The following SPATA16 variants were observed in gnomAD, a reference collection of about 807,000 sequenced individuals.
SPATA16 encodes the protein spermatogenesis associated 16.
In SPATA16, 36 loss-of-function variants were observed where a neutral mutation model predicts 63.3. The observed-to-expected ratio is 0.57, with a 90% CI of 0.44 to 0.75. The LOEUF is 0.75. Among genes scored for constraint, SPATA16 ranks in the 30% least tolerant of loss-of-function variants. The pLI is 0.00. For synonymous variants in SPATA16, 203 were observed against 216.7 expected (o/e 0.94, Z 0.56); for missense variants, 646 against 679.3 (o/e 0.95, Z 0.54).
chr3:172,976,850 CT>C lies in SPATA16; in HGVS notation c.933+117del, dbSNP rs1038103679. 1.2e-4 allele frequency: 99 copies of C among 801,984 alleles called. 1 individual carries two copies. Among genetic ancestry groups the C allele is most frequent in the Non-Finnish European group, 1.0e-4 (48 of 467,960 alleles). 49.7% of individuals were successfully genotyped at this position (801,984 alleles called of 1,614,324 possible). A position where few individuals can be genotyped will look rare whatever the true frequency, so the allele number is the denominator to read the frequency against. ...TGAATACATTATTATTCAGTACCTT[CT>C]TTCTGATTGATATGCCCAGAGCTAC... is the stretch of plus-strand genomic sequence containing the variant. On this transcript the variant is annotated intron_variant, in intron 5 of 10. Coordinates refer to ENST00000351008, the MANE Select transcript of SPATA16 (RefSeq NM_031955.6).
chr3:173,124,655 G>A (rs1358422672), intron 1 of SPATA16, among the ~76,000 whole-genome samples: 5 of 152,114 alleles, frequency 3.3e-5, no homozygotes, highest in African/African-American at 7.2e-5. Context: ...TGCCAAATTC[G>A]GTGGTCACCC....
chr3:172,908,020 T>A (rs1022718331), intron 10 of SPATA16, among the ~76,000 whole-genome samples: 1 of 152,214 alleles, frequency 6.6e-6, no homozygotes, highest in Non-Finnish European at 1.5e-5. Flanking sequence ...TTATAACATA[T>A]CCTGTATTTC....
chr3:172,980,969 C>T (rs1734294991), intron 4 of SPATA16, among the ~76,000 whole-genome samples: 1 of 152,204 alleles, frequency 6.6e-6, no homozygotes, highest in Admixed American at 6.5e-5. Flanking sequence ...ATTCCCACCA[C>T]GTCACTGAAA....
At chr3:173,028,440 CT>C (rs1735519940) in intron 3 of SPATA16, among the ~76,000 whole-genome samples, 1 of 151,686 alleles carries the variant, frequency 6.6e-6, no homozygotes, top group South Asian at 2.1e-4. Context: ...GTCTTTAGCC[CT>C]TTTTGTGGAC....
intron 2 of SPATA16, among the ~76,000 whole-genome samples, chr3:173,056,190 T>C (rs1017091309): frequency 6.6e-6 from 1 of 152,196 alleles, no homozygotes; most frequent in Non-Finnish European, 1.5e-5. Context: ...ATGTCTGTTG[T>C]TTTAGGATGT....
At chr3:173,015,937 A>C (rs1219566435) in intron 4 of SPATA16, among the ~76,000 whole-genome samples, 1 of 152,012 alleles carries the variant, frequency 6.6e-6, no homozygotes, top group African/African-American at 2.4e-5. Context: ...GAGTGATGAC[A>C]TTCATTCTAT....
intron 9 of SPATA16, 126 bp downstream of exon 9, chr3:172,916,191 G>A (rs577185273): frequency 1.2e-5 from 14 of 1,162,026 alleles, no homozygotes; most frequent in Middle Eastern, 4.6e-4. Context: ...CTTCAAGAAG[G>A]TTTGGGAGTT....
At chr3:172,977,568 G>A (rs1158143053) in intron 4 of SPATA16, among the ~76,000 whole-genome samples, 1 of 152,104 alleles carries the variant, frequency 6.6e-6, no homozygotes, top group Non-Finnish European at 1.5e-5. Context: ...TCTCCCCACA[G>A]ATTTTTGTGT....
chr3:173,086,034 G>T (rs1329030688), intron 2 of SPATA16, among the ~76,000 whole-genome samples: 1 of 151,628 alleles, frequency 6.6e-6, no homozygotes, highest in Non-Finnish European at 1.5e-5. Flanking sequence ...TGGTATCAGG[G>T]TGATGCTGGC....
intron 5 of SPATA16, among the ~76,000 whole-genome samples, chr3:172,958,773 TTGTG>T (rs1350679390): frequency 3.3e-5 from 5 of 152,192 alleles, no homozygotes; most frequent in Admixed American, 1.3e-4. Context: ...TCATTCCTCT[TTGTG>T]TGTGTGCACG....
rs374055921 is a variant in SPATA16 at position 173,030,652 on chromosome 3, A to G, written c.759-11077T>C. 6.6e-5 allele frequency among the ~76,000 whole-genome samples: 10 copies of G among 152,206 alleles called. No individual in the cohort carries two copies. The East Asian group carries it at 1.9e-3, about 29-fold the overall frequency. On this transcript the variant is annotated intron_variant, in intron 3 of 10. Coordinates refer to ENST00000351008, the MANE Select transcript of SPATA16 (RefSeq NM_031955.6). ...GGGATTGTAAAATGATGCACCCACT[A>G]TAGAACAAAGTATGGAAGTTCCTCA...
At chr3:173,028,013 C>CCCTTCTTTCCTTCCTT (rs1735498783) in intron 3 of SPATA16, among the ~76,000 whole-genome samples, 3 of 35,070 alleles carry the variant, frequency 8.6e-5, no homozygotes, top group South Asian at 2.7e-3. Flanking sequence ...CTCCCTCCCT[C>CCCTTCTTTCCTTCCTT]CCTTCCTTCT....
chr3:172,946,292 C>T (rs146625843), intron 6 of SPATA16, among the ~76,000 whole-genome samples: 39 of 152,302 alleles, frequency 2.6e-4, no homozygotes, highest in African/African-American at 8.9e-4. Flanking sequence ...CTGTGGTAGC[C>T]ATGGGAAGAG....
intron 5 of SPATA16, among the ~76,000 whole-genome samples, chr3:172,972,708 G>C (rs1436871136): frequency 6.6e-6 from 1 of 152,086 alleles, no homozygotes; most frequent in Non-Finnish European, 1.5e-5. Flanking sequence ...TACTCTAAAT[G>C]AGGTGACCGA....
chr3:172,904,761 A>G lies in SPATA16; in HGVS notation c.1587+8900T>C, dbSNP rs188108237. ...TTGGAGCATTGGACTGTGGTGGGAAAGATGGCCAGACCAAGGCTTTCGGCT... is the reference window on the plus strand; with the variant it reads ...TTGGAGCATTGGACTGTGGTGGGAAGGATGGCCAGACCAAGGCTTTCGGCT... On this transcript the variant is annotated intron_variant, in intron 10 of 10. Coordinates refer to ENST00000351008, the MANE Select transcript of SPATA16 (RefSeq NM_031955.6). Among the ~76,000 whole-genome samples, 7 of 152,358 alleles carry G rather than the reference A, an allele frequency of 4.6e-5. No homozygotes were observed. In the East Asian group the frequency reaches 1.3e-3, roughly 29 times the overall value.
intron 5 of SPATA16, among the ~76,000 whole-genome samples, chr3:172,966,454 G>A (rs1314376280): frequency 6.6e-6 from 1 of 152,194 alleles, no homozygotes. Flanking sequence ...GGTTCCTGGT[G>A]TAGGCTGCAC....
chr3:173,002,895 A>G (rs1734856998), intron 4 of SPATA16, among the ~76,000 whole-genome samples: 1 of 152,222 alleles, frequency 6.6e-6, no homozygotes. Context: ...GCTCTCTCAT[A>G]CGCAGAAATC....
At position 173,040,372 on chromosome 3, in the gene SPATA16, G is replaced by A. The variant is rs150082539; in HGVS notation, c.758+8577C>T. ...GCAAGGCTATTTTATTAATTCATATGACAATCACAAAGAAAAGGGAGGATT... is the reference window on the plus strand; with the variant it reads ...GCAAGGCTATTTTATTAATTCATATAACAATCACAAAGAAAAGGGAGGATT... On this transcript the variant is annotated intron_variant, in intron 3 of 10. Coordinates refer to ENST00000351008, the MANE Select transcript of SPATA16 (RefSeq NM_031955.6). Among the ~76,000 whole-genome samples, 11 of 152,132 alleles carry A rather than the reference G, an allele frequency of 7.2e-5. No individual in the cohort carries two copies. The East Asian group carries it at 1.5e-3, about 21-fold the overall frequency.
chr3:173,112,450 C>A (rs963279836), intron 2 of SPATA16, among the ~76,000 whole-genome samples: 1 of 152,210 alleles, frequency 6.6e-6, no homozygotes, highest in African/African-American at 2.4e-5. Flanking sequence ...CAGAGGCACA[C>A]TGGTGAGCCC....
Sources: allele counts gnomAD v4.1 joint callset (sites outside exome capture counted in the v4.1 genomes callset), GRCh38; gene constraint gnomAD v4.1.1; transcripts MANE v1.5; gene names NCBI Gene and HGNC (gene_info 2026-07-23, HGNC 2026-07-21).